Variants in BOLL observed in about 807,000 individuals in gnomAD.
BOLL encodes boule RNA binding protein, also known as protein boule-like.
A neutral mutation model predicts 44.4 loss-of-function variants in BOLL; 23 were observed. The observed-to-expected ratio is 0.52, with a 90% confidence interval of 0.37 to 0.73. The LOEUF is 0.73. BOLL is among the 30% of genes least tolerant of loss of function. The pLI is 0.00. For synonymous variants in BOLL, 97 were observed against 110.8 expected, an observed-to-expected ratio of 0.88 and a Z score of 0.78; for missense variants, 287 against 338.3, an observed-to-expected ratio of 0.85 and a Z score of 1.19.
In BOLL at chr2:197,727,153, G is replaced by T. The variant is rs977127390; in HGVS notation, c.*1402C>A. On this transcript the variant is annotated 3_prime_UTR_variant, in exon 11 of 11. Coordinates refer to ENST00000392296, the MANE Select transcript of BOLL (RefSeq NM_033030.6). Reference sequence around the variant, plus strand: ...TTGTATGCTAGTATACATTCATAAGGTTCTACTGTTCTCATGAAGCCATTT... The same window carrying T: ...TTGTATGCTAGTATACATTCATAAGTTTCTACTGTTCTCATGAAGCCATTT... The T allele has an allele frequency of 6.6e-6, 1 of 152,214 alleles. No individual in the cohort carries two copies. Among genetic ancestry groups the T allele is most frequent in the East Asian group, 1.9e-4 (1 of 5,342 alleles). 9.4% of individuals were successfully genotyped at this position (152,214 alleles called of 1,614,324 possible). A position where few individuals can be genotyped will look rare whatever the true frequency, so the allele number is the denominator to read the frequency against.
intron 9 of BOLL, among the ~76,000 whole-genome samples, chr2:197,746,920 CAG>C (rs1212879536): frequency 7.2e-6 from 1 of 139,016 alleles, no homozygotes; most frequent in Non-Finnish European, 1.5e-5. Flanking sequence ...AAAAAAAAAG[CAG>C]AGAGAAGAAT....
chr2:197,745,016 TAAG>T (rs1559397081), intron 9 of BOLL, among the ~76,000 whole-genome samples: 1 of 152,116 alleles, frequency 6.6e-6, no homozygotes, highest in African/African-American at 2.4e-5. Context: ...TAAATAAATA[TAAG>T]AAGCTAAGGA....
At chr2:197,740,542 A>G (rs1376774258) in intron 10 of BOLL, among the ~76,000 whole-genome samples, 1 of 152,284 alleles carries the variant, frequency 6.6e-6, no homozygotes, top group Admixed American at 6.5e-5. Flanking sequence ...TTTGGCCTGA[A>G]TCTGACTAAG....
intron 1 of BOLL, among the ~76,000 whole-genome samples, chr2:197,783,560 T>C (rs191948120): frequency 2.6e-5 from 4 of 152,338 alleles, no homozygotes; most frequent in Admixed American, 1.3e-4. Context: ...AAGTATGTAC[T>C]CCTAATAAGG....
At chr2:197,768,340 A>T (rs539196030) in intron 6 of BOLL, among the ~76,000 whole-genome samples, 16 of 151,634 alleles carry the variant, frequency 1.1e-4, no homozygotes, top group East Asian at 9.7e-4. Context: ...CAATTCTAAT[A>T]AAAAAAAGGG....
intron 5 of BOLL, among the ~76,000 whole-genome samples, chr2:197,772,519 C>A (rs1013653653): frequency 5.3e-5 from 8 of 151,928 alleles, no homozygotes; most frequent in African/African-American, 1.9e-4. Flanking sequence ...AGCAAACATT[C>A]GTTCATGCTA....
At chr2:197,735,324 TATTA>T (rs1302412341) in intron 10 of BOLL, among the ~76,000 whole-genome samples, 1 of 152,128 alleles carries the variant, frequency 6.6e-6, no homozygotes, top group Non-Finnish European at 1.5e-5. Flanking sequence ...AGTTTTCTTC[TATTA>T]ATTTATTGAT....
chr2:197,757,497 ACCATATACAAAAATTAACTCAAG>A (rs540974389), intron 7 of BOLL, 97 bp from the exon 8 acceptor site: 1 of 1,002,672 alleles, frequency 1.0e-6, no homozygotes, highest in South Asian at 1.6e-5. Context: ...GGACCCTCAC[ACCATATACAAAAATTAACTCAAG>A]CCATATACAA....
rs1403006927 is a variant in BOLL at position 197,764,803 on chromosome 2, G to A, written c.552+1729C>T. ...TATGCCTACAAAGCTCTGAATTCAG[G>A]TCCCATTGCTGTCACAAAGAAATGA... On this transcript the variant is annotated intron_variant, in intron 7 of 10. Transcript: ENST00000392296. Among the ~76,000 whole-genome samples, 3 of 152,068 alleles carry A rather than the reference G, an allele frequency of 2.0e-5. No individual in the cohort carries two copies. The East Asian group carries it at 5.8e-4, about 29-fold the overall frequency.
intron 10 of BOLL, among the ~76,000 whole-genome samples, chr2:197,729,561 C>G (rs1036560397): frequency 1.3e-5 from 2 of 152,194 alleles, no homozygotes; most frequent in African/African-American, 4.8e-5. Flanking sequence ...TTAAATGTCC[C>G]TGTCTGACAG....
At chr2:197,757,804 T>C (rs1688584948) in intron 7 of BOLL, among the ~76,000 whole-genome samples, 1 of 152,114 alleles carries the variant, frequency 6.6e-6, no homozygotes, top group Non-Finnish European at 1.5e-5. Context: ...CTCTTACAAC[T>C]CAATAATCAA....
Position 197,785,295 on chromosome 2 carries a change from C to A in BOLL, c.-255G>T, listed in dbSNP as rs946851720. 2.8e-5 allele frequency: 28 copies of A among 985,580 alleles called. No homozygotes were observed. Among genetic ancestry groups the A allele is most frequent in the Non-Finnish European group, 3.3e-5 (27 of 829,900 alleles). The allele number at this position is 985,580 out of a possible 1,614,324, so 61.1% of individuals were successfully genotyped here. ...GGCGGGAAGCCTCAACGGCAGCGAC[C>A]CCGCCGCTGGCCTCGTGCGCAGCTG... On this transcript the variant is annotated 5_prime_UTR_variant, in exon 1 of 11. Coordinates refer to ENST00000392296, the MANE Select transcript of BOLL (RefSeq NM_033030.6). This position sits in a 1 kb window ranked among gnomAD's most constrained non-coding sequence, Gnocchi z 6.7.
intron 1 of BOLL, among the ~76,000 whole-genome samples, chr2:197,782,467 C>T (rs1689832817): frequency 6.6e-6 from 1 of 152,200 alleles, no homozygotes; most frequent in Admixed American, 6.5e-5. Flanking sequence ...TAGTTTTAGC[C>T]TCGATCCATT....
intron 10 of BOLL, among the ~76,000 whole-genome samples, chr2:197,729,837 A>G (rs1687065337): frequency 6.6e-6 from 1 of 151,806 alleles, no homozygotes; most frequent in Non-Finnish European, 1.5e-5. Context: ...AAAGACCAAA[A>G]GTAGATAAAA....
chr2:197,747,322 G>A (rs1028369692), intron 9 of BOLL, among the ~76,000 whole-genome samples: 21 of 152,090 alleles, frequency 1.4e-4, no homozygotes, highest in East Asian at 3.9e-4. Context: ...AGTGGCTCAC[G>A]CCTGTAATCT....
chr2:197,731,701 C>T (rs1687188687), intron 10 of BOLL, among the ~76,000 whole-genome samples: 1 of 151,890 alleles, frequency 6.6e-6, no homozygotes, highest in Non-Finnish European at 1.5e-5. Context: ...GAACAACCTG[C>T]TCCTGAATGA....
chr2:197,737,513 T>G (rs895977675), intron 10 of BOLL, among the ~76,000 whole-genome samples: 2 of 152,088 alleles, frequency 1.3e-5, no homozygotes. Flanking sequence ...TGACTATATA[T>G]AGCATACATG....
At chr2:197,778,254 G>C (rs1689604297) in intron 3 of BOLL, among the ~76,000 whole-genome samples, 1 of 151,598 alleles carries the variant, frequency 6.6e-6, no homozygotes, top group Non-Finnish European at 1.5e-5. Flanking sequence ...CACCTCAATG[G>C]GTCCCTTTTC....
At chr2:197,755,113 A>G (rs1192565198) in intron 9 of BOLL, among the ~76,000 whole-genome samples, 2 of 152,252 alleles carry the variant, frequency 1.3e-5, no homozygotes, top group Non-Finnish European at 2.9e-5. Context: ...TTCTCAAAAG[A>G]AGACATTTAT....
Sources: gnomAD v4.1 joint callset for allele counts (sites outside exome capture counted in the v4.1 genomes callset) on GRCh38, gnomAD v4.1.1 for gene constraint, Gnocchi (gnomAD v3.1) non-coding constraint, MANE v1.5 for transcripts, NCBI Gene and HGNC (gene_info 2026-07-23, HGNC 2026-07-21) for gene names.